ACTA2: variants seen among roughly 807,000 people sequenced by gnomAD.
The protein encoded by ACTA2 is actin alpha 2, smooth muscle.
Under a neutral mutation model 39.5 loss-of-function variants are expected in ACTA2, and 12 were observed. The observed-to-expected ratio is 0.30, with a 90% CI of 0.19 to 0.49. The LOEUF (loss-of-function observed/expected upper bound fraction) is 0.49. Among genes scored for constraint, ACTA2 ranks in the 20% least tolerant of loss-of-function variants. The pLI, the probability that ACTA2 is intolerant of heterozygous loss-of-function variation, is 0.99. For synonymous variants in ACTA2, 158 were observed against 180.6 expected (o/e 0.88, Z 1.00); for missense variants, 236 against 498.8 (o/e 0.47, Z 5.02).
intron 1 of ACTA2, among the ~76,000 whole-genome samples, chr10:88,972,460 C>T (rs558323952): frequency 9.9e-5 from 15 of 152,040 alleles, no homozygotes; most frequent in African/African-American, 1.2e-4. Context: ...TGATACAGTT[C>T]GATTTAGATT....
intron 3 of ACTA2, among the ~76,000 whole-genome samples, chr10:88,945,906 C>A (rs1337435782): frequency 6.6e-6 from 1 of 152,170 alleles, no homozygotes. Flanking sequence ...GATAACCATG[C>A]AGCCCCTGAT....
At position 88,939,630 on chromosome 10, in the gene ACTA2, T is replaced by TC; in HGVS notation, c.684dup (p.Met229AspfsTer11). The TC allele has an allele frequency of 6.2e-7, 1 of 1,614,056 alleles. No homozygotes were observed. Among genetic ancestry groups the TC allele is most frequent in the South Asian group, 1.1e-5 (1 of 91,082 alleles). On this transcript the variant is annotated frameshift_variant, in exon 7 of 9. Transcript: ENST00000224784. LOFTEE classifies it high-confidence loss of function. ...GAGGATGAGGATGCGGCAGTGGCCA[T>TC]CTCATTTTCAAAGTCCAGAGCTACA... is the stretch of plus-strand genomic sequence containing the variant.
In ACTA2 at chr10:88,990,615, C is replaced by T; in HGVS notation, c.-24+324G>A. On this transcript the variant is annotated intron_variant, in intron 1 of 4. Transcript: ENST00000415557. This position sits in a 1 kb window ranked among gnomAD's most constrained non-coding sequence, Gnocchi z 4.9. ...CCCAGCGAGGCTTCCTTCCCATCCT[C>T]CTGACCACCGGGGCTTTTCGTGAGC... 1 of 686,156 alleles carries T rather than the reference C, an allele frequency of 1.5e-6. No homozygotes were observed. Among genetic ancestry groups the T allele is most frequent in the Non-Finnish European group, 2.7e-6 (1 of 376,008 alleles). 42.5% of individuals were successfully genotyped at this position (686,156 alleles called of 1,614,324 possible). A position where few individuals can be genotyped will look rare whatever the true frequency, so the allele number is the denominator to read the frequency against.
At chr10:88,955,633 T>G (rs374862025), upstream of ACTA2, among the ~76,000 whole-genome samples, 4 of 152,344 alleles carry the variant, frequency 2.6e-5, 1 homozygote. Context: ...ACACTTTCTA[T>G]GAAGGTCTAA....
intron 1 of ACTA2, among the ~76,000 whole-genome samples, chr10:88,962,910 CCCATATATATATATAT>C (rs1564653370): frequency 1.0e-4 from 9 of 89,508 alleles, no homozygotes; most frequent in Non-Finnish European, 1.7e-4. Context: ...AGGGGAATGC[CCCATATATATATATAT>C]ATATATATAT....
intron 1 of ACTA2, among the ~76,000 whole-genome samples, chr10:88,951,986 G>A (rs17114327): frequency 0.22 from 33,352 of 152,096 alleles, 4,423 homozygotes; most frequent in African/African-American, 0.38. Flanking sequence ...TTAAGCTGAG[G>A]GAGATGCAAA....
intron 1 of ACTA2, 79 bp from the exon 2 acceptor site, chr10:88,949,032 G>A (rs1297692471): frequency 1.3e-6 from 2 of 1,510,258 alleles, no homozygotes; most frequent in Non-Finnish European, 9.1e-7. Context: ...CACCTCCAAG[G>A]CTGGGTTTGG....
At chr10:88,957,655 TTCCCCCTTGTAC>T (rs1185144445), upstream of ACTA2, among the ~76,000 whole-genome samples, 5 of 152,124 alleles carry the variant, frequency 3.3e-5, no homozygotes, top group Admixed American at 3.3e-4. Flanking sequence ...GAAACAGTAT[TTCCCCCTTGTAC>T]TCCTCTAACT....
chr10:88,985,458 CTATG>C (rs1370832406), intron 1 of ACTA2, among the ~76,000 whole-genome samples: 1 of 152,202 alleles, frequency 6.6e-6, no homozygotes, highest in Non-Finnish European at 1.5e-5. Context: ...AGAAAACCAC[CTATG>C]TCTCCTTTCT....
intron 4 of ACTA2, among the ~76,000 whole-genome samples, chr10:88,943,139 A>T (rs1357230512): frequency 6.6e-6 from 1 of 152,228 alleles, no homozygotes; most frequent in East Asian, 1.9e-4. Context: ...TATAGAATTG[A>T]CACTAGACGT....
intron 4 of ACTA2, among the ~76,000 whole-genome samples, chr10:88,942,948 G>A (rs1389): frequency 0.87 from 132,202 of 152,238 alleles, 57,746 homozygotes; most frequent in East Asian, 0.97. Flanking sequence ...CTGGAAGATC[G>A]TGGATCAATC....
At position 88,939,784 on chromosome 10, in the gene ACTA2, C is replaced by T. The variant is rs770352718; in HGVS notation, c.617-86G>A. The T allele has an allele frequency of 1.9e-4, 256 of 1,376,762 alleles. 1 individual carries two copies. Among genetic ancestry groups the T allele is most frequent in the Admixed American group, 3.4e-4 (19 of 55,778 alleles). 85.3% of individuals were successfully genotyped at this position (1,376,762 alleles called of 1,614,324 possible). On this transcript the variant is annotated intron_variant, in intron 6 of 8. Transcript: ENST00000224784. The stretch of plus-strand genomic sequence containing the variant: ...ACCTGCCCTACTGCAGTCTCTCCCT[C>T]AAGACATGTGCCATCAAAAAATGTG...
intron 1 of ACTA2, among the ~76,000 whole-genome samples, chr10:88,959,301 A>T (rs1428386409): frequency 6.6e-6 from 1 of 152,254 alleles, no homozygotes; most frequent in Non-Finnish European, 1.5e-5. Flanking sequence ...CCCAATGCAC[A>T]GGCTACACTC....
At chr10:88,953,517 C>T (rs1208606190), upstream of ACTA2, among the ~76,000 whole-genome samples, 1 of 152,190 alleles carries the variant, frequency 6.6e-6, no homozygotes, top group Non-Finnish European at 1.5e-5. Flanking sequence ...ACCCAGCAGC[C>T]TGTCAAAGAA....
chr10:88,964,867 T>C (rs1161349200), intron 1 of ACTA2, among the ~76,000 whole-genome samples: 1 of 152,164 alleles, frequency 6.6e-6, no homozygotes, highest in African/African-American at 2.4e-5. Flanking sequence ...TGTAACTTTC[T>C]TTTGCCCGCC....
At chr10:88,967,060 A>G (rs1846331215) in intron 1 of ACTA2, among the ~76,000 whole-genome samples, 1 of 152,238 alleles carries the variant, frequency 6.6e-6, no homozygotes, top group South Asian at 2.1e-4. Context: ...GACATACTTT[A>G]GCCCCTAGAA....
rs1845898977 is a variant in ACTA2, at chr10:88,943,789, ATACT to A, written c.369+4_369+7del. The A allele has an allele frequency of 1.9e-6, 3 of 1,608,174 alleles. No homozygotes were observed. The highest frequency in any genetic ancestry group is 2.6e-6 in the Non-Finnish European group (3 of 1,174,624). On this transcript the variant is annotated splice_donor_5th_base_variant and intron_variant, in intron 4 of 8. Coordinates refer to ENST00000224784, the MANE Select transcript of ACTA2 (RefSeq NM_001613.4). ...CCACAGTGTTGTGTGCTGGGGTAGC[ATACT>A]TACTTGAGTCATTTTCTCCCGGTTG...
intron 1 of ACTA2, among the ~76,000 whole-genome samples, chr10:88,966,583 T>C (rs1228781141): frequency 6.6e-6 from 1 of 152,212 alleles, no homozygotes; most frequent in South Asian, 2.1e-4. Flanking sequence ...AAGAGGTTGA[T>C]AGTTTCACAA....
chr10:88,955,570 G>GCT (rs1846124733), upstream of ACTA2, among the ~76,000 whole-genome samples: 1 of 152,194 alleles, frequency 6.6e-6, no homozygotes, highest in Admixed American at 6.5e-5. Context: ...GCCAGGCTCT[G>GCT]CTCTGTTCCT....
Sources: allele counts gnomAD v4.1 joint callset (sites outside exome capture counted in the v4.1 genomes callset), GRCh38; gene constraint gnomAD v4.1.1; non-coding constraint Gnocchi (gnomAD v3.1); transcripts MANE v1.5; gene names NCBI Gene and HGNC (gene_info 2026-07-23, HGNC 2026-07-21).